PCCB: variants seen among roughly 807,000 people sequenced by gnomAD.
PCCB encodes the protein propionyl-CoA carboxylase beta chain, mitochondrial.
In PCCB, 43 loss-of-function variants were observed where a neutral mutation model predicts 60.7. The ratio of observed to expected loss-of-function variants is 0.71; its 90% CI spans 0.55 to 0.91. The LOEUF (loss-of-function observed/expected upper bound fraction) is 0.91. PCCB is among the 40% of genes least tolerant of loss of function. The probability of loss-of-function intolerance (pLI) is 0.00; values close to 1 mark genes in which losing one functional copy is unlikely to be tolerated. For missense variants in PCCB, 766 were observed against 702.8 expected, an observed-to-expected ratio of 1.09 and a Z score of -1.02; for synonymous variants, 276 against 255.9, an observed-to-expected ratio of 1.08 and a Z score of -0.75.
intron 6 of PCCB, among the ~76,000 whole-genome samples, chr3:136,284,648 G>A (rs983442024): frequency 1.3e-5 from 2 of 152,088 alleles, no homozygotes; most frequent in Non-Finnish European, 2.9e-5. Context: ...AGTGTAAATG[G>A]GAAACCCTTT....
At chr3:136,268,096 A>ATG (rs1553775751) in intron 5 of PCCB, among the ~76,000 whole-genome samples, 1 of 106,550 alleles carries the variant, frequency 9.4e-6, no homozygotes, top group Non-Finnish European at 1.8e-5. Flanking sequence ...AGATATATAT[A>ATG]TATATATATA....
intron 4 of PCCB, 101 bp downstream of exon 4, chr3:136,260,636 T>C: frequency 2.0e-6 from 2 of 1,012,536 alleles, no homozygotes; most frequent in Admixed American, 2.0e-5. Context: ...GTACTTGGGG[T>C]AGGGCAGAGG....
chr3:136,303,275 T>C lies in PCCB; in HGVS notation c.966+2164T>C, dbSNP rs377762928. Reference sequence around the variant, plus strand: ...GTTTCCTAATTTATATCTTTTTTCATGTTGAAGCTACTACTGGCTTCTGTT... The same window carrying C: ...GTTTCCTAATTTATATCTTTTTTCACGTTGAAGCTACTACTGGCTTCTGTT... On this transcript the variant is annotated intron_variant, in intron 9 of 14. Coordinates refer to ENST00000251654, the MANE Select transcript of PCCB (RefSeq NM_000532.5). 4.9e-5 allele frequency among the ~76,000 whole-genome samples: 6 copies of C among 122,486 alleles called. 1 individual carries two copies. Among genetic ancestry groups the C allele is most frequent in the Admixed American group, 1.9e-4 (2 of 10,342 alleles). The allele number at this position is 122,486 out of a possible 152,430, so 80.4% of individuals were successfully genotyped here.
chr3:136,293,620 T>C, intron 6 of PCCB, 136 bp from the exon 7 acceptor site: 1 of 741,754 alleles, frequency 1.3e-6, no homozygotes, highest in South Asian at 1.4e-5. Context: ...TGGAGTCGTA[T>C]CTTTAAGCTA....
chr3:136,302,219 C>G (rs773704236), intron 9 of PCCB, among the ~76,000 whole-genome samples: 1 of 65,972 alleles, frequency 1.5e-5, no homozygotes, highest in Non-Finnish European at 4.3e-5. Context: ...GCGGAAATAT[C>G]TGTCATGGAG....
chr3:136,288,826 A>G (rs1413595379), intron 6 of PCCB, among the ~76,000 whole-genome samples: 1 of 151,562 alleles, frequency 6.6e-6, no homozygotes, highest in Non-Finnish European at 1.5e-5. Flanking sequence ...TTTTTGAGAC[A>G]AGGTCTTGCT....
At position 136,283,896 on chromosome 3, in the gene PCCB, T is replaced by C. The variant is rs141340198; in HGVS notation, c.603T>C (p.Ala201=). ...TTTCTCTGATCATGGGCCCATGTGC[T>C]GGTGGGGCCGTCTACTCCCCAGCCC... ...PQISLIMGPC[A]GGAVYSPALT... is the part of the protein sequence containing the mutation. The change falls in exon 6 of 15, where the codon GCT becomes GCC. Residue 201 remains alanine (A), a synonymous_variant. Coordinates refer to ENST00000251654, the MANE Select transcript of PCCB (RefSeq NM_000532.5). 147 of 1,613,896 alleles carry C rather than the reference T, an allele frequency of 9.1e-5. 1 individual carries two copies. The African/African-American group carries it at 1.7e-3, about 19-fold the overall frequency.
chr3:136,289,593 C>T (rs751435199), intron 6 of PCCB, among the ~76,000 whole-genome samples: 21 of 151,824 alleles, frequency 1.4e-4, no homozygotes, highest in African/African-American at 3.9e-4. Flanking sequence ...TCTGACAATC[C>T]GTCTTTTAAT....
At chr3:136,299,900 A>G (rs968417408) in intron 8 of PCCB, among the ~76,000 whole-genome samples, 3 of 151,506 alleles carry the variant, frequency 2.0e-5, no homozygotes, top group African/African-American at 7.3e-5. Flanking sequence ...ATATGCGTAC[A>G]TATGTATGCA....
intron 8 of PCCB, among the ~76,000 whole-genome samples, chr3:136,299,799 T>C (rs1934152830): frequency 6.6e-6 from 1 of 151,408 alleles, no homozygotes; most frequent in Admixed American, 6.6e-5. Flanking sequence ...TATATGCATG[T>C]GTATGTATAG....
At chr3:136,280,215 G>T (rs1942441162) in intron 5 of PCCB, among the ~76,000 whole-genome samples, 1 of 152,158 alleles carries the variant, frequency 6.6e-6, no homozygotes, top group South Asian at 2.1e-4. Context: ...AGAATTTCTT[G>T]TATGGCGTGT....
At chr3:136,326,420 C>T (rs1405793543) in intron 10 of PCCB, 3 of 702,636 alleles carry the variant, frequency 4.3e-6, no homozygotes, top group Non-Finnish European at 7.8e-6. Flanking sequence ...AAAGTAATTT[C>T]TCAAGGGCAC....
rs541245613 is a variant in PCCB at position 136,271,955 on chromosome 3, G to C, written c.543+9890G>C. 2.2e-4 allele frequency among the ~76,000 whole-genome samples: 34 copies of C among 152,236 alleles called. No homozygotes were observed. In the South Asian group the frequency reaches 4.1e-3, roughly 19 times the overall value. On this transcript the variant is annotated intron_variant, in intron 5 of 14. Coordinates refer to ENST00000251654, the MANE Select transcript of PCCB (RefSeq NM_000532.5). ...TCTTGTTCCAGTTTTCAGGGGGAAT[G>C]CTTTCAACTTTTCCCCATTCATTAC...
chr3:136,287,399 G>A (rs564114416), intron 6 of PCCB, among the ~76,000 whole-genome samples: 2 of 150,990 alleles, frequency 1.3e-5, no homozygotes, highest in Admixed American at 1.3e-4. Flanking sequence ...TAGTAAGTGT[G>A]TGTGTGTGTT....
chr3:136,310,616 C>T (rs1026209111), intron 9 of PCCB, among the ~76,000 whole-genome samples: 9 of 152,106 alleles, frequency 5.9e-5, no homozygotes, highest in African/African-American at 2.2e-4. Flanking sequence ...TCTTCCAGAG[C>T]ATAGAAAGTA....
At chr3:136,250,634 C>A in intron 1 of PCCB, 76 bp downstream of exon 1, 4 of 1,422,446 alleles carry the variant, frequency 2.8e-6, no homozygotes, top group Non-Finnish European at 3.8e-6. Flanking sequence ...CTTGCGGCGT[C>A]CGAGGCCTCC....
chr3:136,320,880 T>C (rs1935084017), intron 10 of PCCB, among the ~76,000 whole-genome samples: 4 of 152,238 alleles, frequency 2.6e-5, no homozygotes, highest in Admixed American at 2.6e-4. Flanking sequence ...GTGGTGAAAG[T>C]GGGCATGGTT....
chr3:136,262,957 T>G (rs1433109082), intron 5 of PCCB, among the ~76,000 whole-genome samples: 1 of 147,822 alleles, frequency 6.8e-6, no homozygotes, highest in African/African-American at 2.5e-5. Context: ...GGAGGAGGTT[T>G]TTTTTTTTTT....
At chr3:136,267,099 G>A (rs1408571560) in intron 5 of PCCB, among the ~76,000 whole-genome samples, 1 of 152,152 alleles carries the variant, frequency 6.6e-6, no homozygotes, top group African/African-American at 2.4e-5. Flanking sequence ...TGCCCAGGCT[G>A]GTCTTGAACT....
Sources: allele counts gnomAD v4.1 joint callset (sites outside exome capture counted in the v4.1 genomes callset), GRCh38; gene constraint gnomAD v4.1.1; transcripts MANE v1.5; gene names NCBI Gene and HGNC (gene_info 2026-07-23, HGNC 2026-07-21).